Variants in ARHGEF26 observed in about 807,000 individuals in gnomAD.
The protein encoded by ARHGEF26 is Rho guanine nucleotide exchange factor 26.
A neutral mutation model predicts 89.4 loss-of-function variants in ARHGEF26; 59 were observed. The observed-to-expected ratio is 0.66, with a 90% CI of 0.54 to 0.82. ARHGEF26 has a LOEUF of 0.82. ARHGEF26 is among the 40% of genes least tolerant of loss of function. The pLI is 0.00. For missense variants in ARHGEF26, 1,234 were observed against 1,085.6 expected, an observed-to-expected ratio of 1.14 and a Z score of -1.92; for synonymous variants, 500 against 428.4, an observed-to-expected ratio of 1.17 and a Z score of -2.06.
At chr3:154,140,234 G>A (rs1159753778) in intron 4 of ARHGEF26, among the ~76,000 whole-genome samples, 1 of 152,216 alleles carries the variant, frequency 6.6e-6, no homozygotes, top group African/African-American at 2.4e-5. Context: ...TGTGTACCAG[G>A]ATTGTGTTAG....
intron 6 of ARHGEF26, among the ~76,000 whole-genome samples, chr3:154,172,178 CTG>C (rs772741951): frequency 3.3e-5 from 5 of 152,312 alleles, no homozygotes; most frequent in Admixed American, 2.0e-4. Flanking sequence ...TTTTGGAACT[CTG>C]GAGTCATGGC....
Position 154,210,566 on chromosome 3 carries a change from C to T in ARHGEF26, c.1846-7303C>T, listed in dbSNP as rs910649952. ...CTGGCCTCAAGTGATCTGCCCACCT[C>T]GGCCTCCCAAAATGCTGGGATGACA... On this transcript the variant is annotated intron_variant, in intron 9 of 14. Coordinates refer to ENST00000465093, the MANE Select transcript of ARHGEF26 (RefSeq NM_015595.4). Among the ~76,000 whole-genome samples the T allele has an allele frequency of 3.3e-5, 5 of 151,818 alleles. No individual in the cohort carries two copies. The East Asian group carries it at 6.0e-4, about 18-fold the overall frequency.
intron 6 of ARHGEF26, among the ~76,000 whole-genome samples, chr3:154,171,320 C>A (rs1712424046): frequency 6.6e-6 from 1 of 152,190 alleles, no homozygotes. Flanking sequence ...CAACATCCCA[C>A]ATCAGAATGG....
intron 12 of ARHGEF26, among the ~76,000 whole-genome samples, chr3:154,247,617 G>A (rs1717881118): frequency 6.8e-6 from 1 of 147,836 alleles, no homozygotes; most frequent in African/African-American, 2.5e-5. Flanking sequence ...ATTATAACTA[G>A]CTTTTCTCTA....
chr3:154,167,413 C>T (rs1712113642), intron 6 of ARHGEF26, among the ~76,000 whole-genome samples: 1 of 152,152 alleles, frequency 6.6e-6, no homozygotes, highest in Admixed American at 6.5e-5. Flanking sequence ...CCTTACCGCT[C>T]AATCTTCTTT....
At chr3:154,151,670 G>C (rs778852315) in intron 5 of ARHGEF26, among the ~76,000 whole-genome samples, 20 of 152,134 alleles carry the variant, frequency 1.3e-4, no homozygotes, top group Non-Finnish European at 2.6e-4. Flanking sequence ...ATTTAAGTAA[G>C]ACCCAAGTCC....
At chr3:154,133,257 T>C (rs1285678355) in intron 4 of ARHGEF26, among the ~76,000 whole-genome samples, 1 of 152,136 alleles carries the variant, frequency 6.6e-6, no homozygotes, top group Non-Finnish European at 1.5e-5. Flanking sequence ...GGTAAGGCAG[T>C]GTTCAGCTAT....
In ARHGEF26 at chr3:154,186,886, C is replaced by CTTTTTTTTTTT. The variant is rs201150057; in HGVS notation, c.1488-781_1488-771dup. The stretch of plus-strand genomic sequence containing the variant: ...CATATACTGTTAGATTTATTTCAGA[C>CTTTTTTTTTTT]TTTTTTTTTTTTTTTTTTTTTTTTT... On this transcript the variant is annotated intron_variant, in intron 6 of 14. Transcript: ENST00000465093. Among the ~76,000 whole-genome samples the CTTTTTTTTTTT allele has an allele frequency of 8.4e-4, 69 of 82,068 alleles. 13 individuals are homozygous for CTTTTTTTTTTT. Among genetic ancestry groups the CTTTTTTTTTTT allele is most frequent in the African/African-American group, 2.7e-3 (57 of 21,160 alleles). The allele number at this position is 82,068 out of a possible 152,430, so 53.8% of individuals were successfully genotyped here. A position where few individuals can be genotyped will look rare whatever the true frequency, so the allele number is the denominator to read the frequency against.
intron 5 of ARHGEF26, among the ~76,000 whole-genome samples, chr3:154,151,726 C>T (rs1720035502): frequency 6.6e-6 from 1 of 152,146 alleles, no homozygotes; most frequent in African/African-American, 2.4e-5. Flanking sequence ...CTGAGATTAG[C>T]ACTTCTAACC....
chr3:154,157,444 C>T (rs1432566878), intron 6 of ARHGEF26, among the ~76,000 whole-genome samples: 1 of 152,136 alleles, frequency 6.6e-6, no homozygotes, highest in African/African-American at 2.4e-5. Context: ...ATTATGTGCC[C>T]TGCTGAGGCA....
At chr3:154,253,439 G>C (rs752415887) in intron 13 of ARHGEF26, among the ~76,000 whole-genome samples, 1 of 152,136 alleles carries the variant, frequency 6.6e-6, no homozygotes, top group Non-Finnish European at 1.5e-5. Context: ...TTAACCATCT[G>C]CAAGTCAGTT....
chr3:154,231,913 T>TTG lies in ARHGEF26; in HGVS notation c.2090+5903_2090+5904insTG, dbSNP rs1157249060. ...TTGTAGTAGCAGTTTTTTTTTTTTTTCACTATTCCTAAATGACTAGGAGAC... is the reference window on the plus strand; with the variant it reads ...TTGTAGTAGCAGTTTTTTTTTTTTTTTGCACTATTCCTAAATGACTAGGAGAC... On this transcript the variant is annotated intron_variant, in intron 11 of 14. Coordinates refer to ENST00000465093, the MANE Select transcript of ARHGEF26 (RefSeq NM_015595.4). Among the ~76,000 whole-genome samples the TTG allele has an allele frequency of 2.3e-4, 34 of 149,570 alleles. 2 individuals are homozygous for TTG. The highest frequency in any genetic ancestry group is 1.5e-3 in the Admixed American group (22 of 15,058).
chr3:154,124,459 T>C lies in ARHGEF26; in HGVS notation c.1123+10T>C, dbSNP rs765126330. 1.0e-5 allele frequency: 16 copies of C among 1,542,640 alleles called. No homozygotes were observed. In the Admixed American group the frequency reaches 2.5e-4, roughly 24 times the overall value. ...ACATTTGATGGGGAAGGTAAGCATTTAATTTTCCAAACTTTCATTGCTGTT... is the reference window on the plus strand; with the variant it reads ...ACATTTGATGGGGAAGGTAAGCATTCAATTTTCCAAACTTTCATTGCTGTT... On this transcript the variant is annotated intron_variant, in intron 3 of 14. Transcript: ENST00000465093.
Position 154,122,935 on chromosome 3 carries a change from A to G in ARHGEF26, c.943A>G (p.Thr315Ala). Reference sequence around the variant, plus strand: ...GTCTCTGCGGAGAGGCTTGCGGTCCACGTCTTATCGCAGGGCAGTGGTCAG... The same window carrying G: ...GTCTCTGCGGAGAGGCTTGCGGTCCGCGTCTTATCGCAGGGCAGTGGTCAG... The part of the protein sequence containing the change: ...PGSLRRGLRS[T>A]SYRRAVVSGF... The change falls in exon 2 of 15, where the codon ACG (threonine) becomes GCG (alanine). Residue 315 changes from threonine to alanine, a missense_variant. Physicochemically the swap from Thr to Ala is moderately conservative, Grantham distance 58 (BLOSUM62 0). Transcript: ENST00000465093. 3.1e-6 allele frequency: 5 copies of G among 1,613,380 alleles called. No individual in the cohort carries two copies. In the South Asian group the frequency reaches 5.5e-5, roughly 18 times the overall value.
At chr3:154,152,979 C>T (rs756161877) in intron 6 of ARHGEF26, 47 bp downstream of exon 6, 4 of 1,422,182 alleles carry the variant, frequency 2.8e-6, no homozygotes. Flanking sequence ...AAGTTGCGTA[C>T]TAATAAACAC....
At chr3:154,195,383 C>T (rs59617371) in intron 9 of ARHGEF26, among the ~76,000 whole-genome samples, 1,817 of 152,206 alleles carry the variant, frequency 0.012, 34 homozygotes, top group African/African-American at 0.041. Context: ...GGGGCCTGAT[C>T]GTAAGATGAT....
intron 6 of ARHGEF26, among the ~76,000 whole-genome samples, chr3:154,182,682 G>A (rs1713261974): frequency 6.6e-6 from 1 of 152,174 alleles, no homozygotes; most frequent in South Asian, 2.1e-4. Flanking sequence ...TTAGTTGAGG[G>A]TTGGCCAGTA....
At position 154,255,530 on chromosome 3, in the gene ARHGEF26, G is replaced by C; in HGVS notation, c.*57G>C. On this transcript the variant is annotated 3_prime_UTR_variant, in exon 15 of 15. Coordinates refer to ENST00000465093, the MANE Select transcript of ARHGEF26 (RefSeq NM_015595.4). ...TTGCACGACACTTACCGGGCTGGTT[G>C]GTTCTGGGCTAGTTTTATTGTTAAT... is the stretch of plus-strand genomic sequence containing the variant. 1 of 1,557,224 alleles carries C rather than the reference G, an allele frequency of 6.4e-7. No individual in the cohort carries two copies. Among genetic ancestry groups the C allele is most frequent in the Non-Finnish European group, 8.6e-7 (1 of 1,156,244 alleles).
At chr3:154,215,387 TCA>T (rs1715654417) in intron 9 of ARHGEF26, among the ~76,000 whole-genome samples, 1 of 150,910 alleles carries the variant, frequency 6.6e-6, no homozygotes, top group South Asian at 2.1e-4. Context: ...CTTTATGATC[TCA>T]GTCTGTGATT....
Sources: gnomAD v4.1 joint callset for allele counts (sites outside exome capture counted in the v4.1 genomes callset) on GRCh38, gnomAD v4.1.1 for gene constraint, MANE v1.5 for transcripts, NCBI Gene and HGNC (gene_info 2026-07-23, HGNC 2026-07-21) for gene names.